Variants in POM121 observed in about 807,000 individuals in gnomAD.
POM121 encodes the protein nuclear envelope pore membrane protein POM 121.
Under a neutral mutation model 81.3 loss-of-function variants are expected in POM121, and 32 were observed. The observed-to-expected ratio is 0.39, with a 90% CI of 0.30 to 0.53. POM121 has a LOEUF of 0.53. POM121 is among the 20% of genes least tolerant of loss of function. POM121 has a pLI of 0.66. For missense variants in POM121, 1,138 were observed against 1,614.6 expected (o/e 0.70, Z 5.06); for synonymous variants, 514 against 694.2 (o/e 0.74, Z 4.08).
intron 3 of POM121, among the ~76,000 whole-genome samples, chr7:72,898,385 C>T (rs1426605890): frequency 6.6e-6 from 1 of 152,172 alleles, no homozygotes; most frequent in Non-Finnish European, 1.5e-5. Flanking sequence ...TGACCCACTG[C>T]ACCTGGCTTT....
chr7:72,898,595 G>A (rs1395462169), intron 3 of POM121, among the ~76,000 whole-genome samples: 1 of 152,022 alleles, frequency 6.6e-6, no homozygotes, highest in African/African-American at 2.4e-5. Context: ...TCGGGAGTGT[G>A]AGCCCAGCCT....
chr7:72,920,874 C>T (rs1421554138), upstream of POM121, among the ~76,000 whole-genome samples: 2 of 152,018 alleles, frequency 1.3e-5, no homozygotes, highest in Non-Finnish European at 2.9e-5. Flanking sequence ...GTGGTGGCCC[C>T]CATCTCTACA....
chr7:72,895,546 A>G (rs1433149739), intron 3 of POM121, among the ~76,000 whole-genome samples: 1 of 152,138 alleles, frequency 6.6e-6, no homozygotes, highest in Admixed American at 6.6e-5. Flanking sequence ...TCTCTTTGAT[A>G]TTCCTGATTG....
chr7:72,923,157 G>A (rs1397673042), upstream of POM121, among the ~76,000 whole-genome samples: 5 of 119,442 alleles, frequency 4.2e-5, no homozygotes, highest in African/African-American at 9.8e-5. Context: ...ATGTGAAATC[G>A]CAGTATATTA....
chr7:72,934,211 A>G (rs1196330193), intron 5 of POM121, among the ~76,000 whole-genome samples: 3 of 151,590 alleles, frequency 2.0e-5, no homozygotes, highest in Admixed American at 1.3e-4. Context: ...CAGCCTCCCA[A>G]GTAGCTGGGA....
intron 11 of POM121, among the ~76,000 whole-genome samples, chr7:72,945,057 G>T (rs1210569468): frequency 5.1e-4 from 77 of 152,000 alleles, no homozygotes; most frequent in Non-Finnish European, 8.4e-4. Flanking sequence ...CCTCTTGTCC[G>T]GGCCGGAGGC....
In POM121 at chr7:72,925,368, GT is replaced by G; in HGVS notation, c.249del (p.Arg84GlyfsTer37). On this transcript the variant is annotated frameshift_variant, in exon 1 of 13. Transcript: ENST00000434423. LOFTEE classifies it high-confidence loss of function. The part of the protein sequence containing the change: ...PRGSRPLSSF[V>X]RKARHRRPLS... ...AGGTTCGCGCCCCTTGTCCTCCTTC[GT>G]TCGGAAGGCGCGTCATCGGCGCCCC... is the stretch of plus-strand genomic sequence containing the variant. The G allele has an allele frequency of 6.6e-7, 1 of 1,522,954 alleles. No homozygotes were observed. Among genetic ancestry groups the G allele is most frequent in the South Asian group, 1.2e-5 (1 of 83,700 alleles). The allele number at this position is 1,522,954 out of a possible 1,614,324, so 94.3% of individuals were successfully genotyped here.
At position 72,925,347 on chromosome 7, in the gene POM121, TCG is replaced by T; in HGVS notation, c.230_231del (p.Arg77ProfsTer53). On this transcript the variant is annotated frameshift_variant, in exon 1 of 13. Coordinates refer to ENST00000434423, the MANE Select transcript of POM121 (RefSeq NM_001387691.1). LOFTEE classifies it high-confidence loss of function. ...WWGLSREPRG[S>X]RPLSSFVRKA... ...GGGACTGAGCCGCGAGCCCCGAGGT[TCG>T]CGCCCCTTGTCCTCCTTCGTTCGGA... 6.5e-7 allele frequency: 1 copy of T among 1,534,174 alleles called. No homozygotes were observed. Among genetic ancestry groups the T allele is most frequent in the Non-Finnish European group, 8.7e-7 (1 of 1,146,646 alleles).
At position 72,948,191 on chromosome 7, in the gene POM121, T is replaced by C; in HGVS notation, c.*1957T>C. 6.9e-7 allele frequency: 1 copy of C among 1,439,506 alleles called. No homozygotes were observed. The highest frequency in any genetic ancestry group is 9.1e-7 in the Non-Finnish European group (1 of 1,102,618). The allele number at this position is 1,439,506 out of a possible 1,614,324, so 89.2% of individuals were successfully genotyped here. A position where few individuals can be genotyped will look rare whatever the true frequency, so the allele number is the denominator to read the frequency against. ...GGCAGCGGGAGGCTGGGACTTTCCATTACAAATAGAGACTTCATTCCTGTT... is the reference window on the plus strand; with the variant it reads ...GGCAGCGGGAGGCTGGGACTTTCCACTACAAATAGAGACTTCATTCCTGTT... On this transcript the variant is annotated 3_prime_UTR_variant, in exon 13 of 13. Transcript: ENST00000434423.
At chr7:72,921,309 T>C (rs1383391146), upstream of POM121, among the ~76,000 whole-genome samples, 1 of 152,238 alleles carries the variant, frequency 6.6e-6, no homozygotes, top group Non-Finnish European at 1.5e-5. Flanking sequence ...AAGTTGACAC[T>C]TGAAATTACC....
Position 72,945,761 on chromosome 7 carries a change from G to A in POM121, c.3652+53G>A, listed in dbSNP as rs1187635514. The A allele has an allele frequency of 2.5e-6, 4 of 1,572,810 alleles. No individual in the cohort carries two copies. The Admixed American group carries it at 5.6e-5, about 22-fold the overall frequency. The stretch of plus-strand genomic sequence containing the variant: ...GCTCATCTGTCTGAGGAGGGGTTGG[G>A]CGGGGTGGCAGGTTCCTGGTCCTCT... On this transcript the variant is annotated intron_variant, in intron 12 of 12. Coordinates refer to ENST00000434423, the MANE Select transcript of POM121 (RefSeq NM_001387691.1).
chr7:72,913,616 A>T (rs2129576516), intron 3 of POM121: 1 of 152,562 alleles, frequency 6.6e-6, no homozygotes, highest in East Asian at 1.9e-4. Flanking sequence ...CACGACCCAG[A>T]GCACATGGCA....
At chr7:72,936,626 G>A (rs1554499580) in intron 5 of POM121, among the ~76,000 whole-genome samples, 2 of 152,064 alleles carry the variant, frequency 1.3e-5, no homozygotes, top group African/African-American at 2.4e-5. Context: ...TGGCCATGCT[G>A]GTCTGGAATT....
chr7:72,886,331 G>A (rs1371440823), intron 1 of POM121, among the ~76,000 whole-genome samples: 27 of 151,838 alleles, frequency 1.8e-4, no homozygotes, highest in Admixed American at 1.3e-3. Flanking sequence ...CCACCATCAC[G>A]CCCGGCTAAT....
At chr7:72,897,403 G>A (rs1271110596) in intron 3 of POM121, among the ~76,000 whole-genome samples, 5 of 152,188 alleles carry the variant, frequency 3.3e-5, no homozygotes, top group Admixed American at 3.3e-4. Context: ...TGAGGCTGGA[G>A]TGAAGTTCAG....
At chr7:72,908,809 C>G (rs1475536078) in intron 3 of POM121, among the ~76,000 whole-genome samples, 2 of 152,176 alleles carry the variant, frequency 1.3e-5, no homozygotes, top group Admixed American at 1.3e-4. Context: ...CTCAGGCAGC[C>G]AGACCTAATG....
chr7:72,906,017 T>G (rs1793201646), intron 3 of POM121, among the ~76,000 whole-genome samples: 1 of 152,218 alleles, frequency 6.6e-6, no homozygotes, highest in Admixed American at 6.5e-5. Flanking sequence ...TTGCTGGGTT[T>G]TGCTTGTTGA....
intron 3 of POM121, among the ~76,000 whole-genome samples, chr7:72,892,068 T>G (rs1257798614): frequency 6.6e-6 from 1 of 152,360 alleles, no homozygotes; most frequent in South Asian, 2.1e-4. Flanking sequence ...GCTCTGTCCA[T>G]AGTAGACATT....
chr7:72,926,757 G>A, intron 2 of POM121, 45 bp from the exon 3 acceptor site: 1 of 1,601,770 alleles, frequency 6.2e-7, no homozygotes, highest in Non-Finnish European at 8.5e-7. Flanking sequence ...TATATGGCAT[G>A]GGAATTAAAA....
Sources: allele counts gnomAD v4.1 joint callset (sites outside exome capture counted in the v4.1 genomes callset), GRCh38; gene constraint gnomAD v4.1.1; transcripts MANE v1.5; gene names NCBI Gene and HGNC (gene_info 2026-07-23, HGNC 2026-07-21).